THSD4: variants seen among roughly 807,000 people sequenced by gnomAD.
THSD4 encodes the protein thrombospondin type-1 domain-containing protein 4.
In THSD4, 69 loss-of-function variants were observed where a neutral mutation model predicts 119.0. The observed-to-expected ratio is 0.58, with a 90% confidence interval of 0.48 to 0.71. The LOEUF (loss-of-function observed/expected upper bound fraction) is 0.71. Among genes scored for constraint, THSD4 ranks in the 30% least tolerant of loss-of-function variants. The probability of loss-of-function intolerance (pLI) is 0.00; values close to 1 mark genes in which losing one functional copy is unlikely to be tolerated. For missense variants in THSD4, 1,393 were observed against 1,391.1 expected, an observed-to-expected ratio of 1.00 and a Z score of -0.02; for synonymous variants, 524 against 540.4, an observed-to-expected ratio of 0.97 and a Z score of 0.42.
intron 4 of THSD4, among the ~76,000 whole-genome samples, chr15:71,225,539 CTTTTTTTTTTTCTTTT>C (rs899480626): frequency 9.5e-6 from 1 of 105,384 alleles, no homozygotes; most frequent in African/African-American, 3.5e-5. Context: ...TTTTCTTTTT[CTTTTTTTTTTTCTTTT>C]TTTTTTTTTT....
chr15:71,547,545 A>G (rs1253102843), intron 7 of THSD4: 5 of 1,531,108 alleles, frequency 3.3e-6, no homozygotes, highest in African/African-American at 2.8e-5. Flanking sequence ...TTCCTCTTCT[A>G]TCTACCAAGA....
chr15:71,736,384 G>A (rs928117499), intron 10 of THSD4, among the ~76,000 whole-genome samples: 6 of 127,346 alleles, frequency 4.7e-5, no homozygotes, highest in East Asian at 2.5e-4. Flanking sequence ...TGTCTCTCTC[G>A]CACTCTGTCT....
chr15:71,532,283 A>AGAGAGTGT (rs1379506089), intron 7 of THSD4, among the ~76,000 whole-genome samples: 1,706 of 101,586 alleles, frequency 0.017, 31 homozygotes, highest in Non-Finnish European at 0.021. Context: ...AGAGAGAGAG[A>AGAGAGTGT]GTGTGTGTGT....
chr15:71,488,964 A>G (rs1353358615), intron 7 of THSD4, among the ~76,000 whole-genome samples: 1 of 152,018 alleles, frequency 6.6e-6, no homozygotes, highest in Non-Finnish European at 1.5e-5. Context: ...CTACCTTCAA[A>G]TACCCAAATT....
intron 12 of THSD4, among the ~76,000 whole-genome samples, chr15:71,746,534 A>G (rs766998455): frequency 2.0e-5 from 3 of 152,150 alleles, no homozygotes; most frequent in Non-Finnish European, 4.4e-5. Flanking sequence ...AGCTGGGACT[A>G]CAGGCACACA....
intron 11 of THSD4, among the ~76,000 whole-genome samples, chr15:71,741,089 AT>A (rs2053224847): frequency 6.6e-6 from 1 of 152,224 alleles, no homozygotes; most frequent in Non-Finnish European, 1.5e-5. Flanking sequence ...TAGAAAAGAC[AT>A]AAGGGTAGAT....
At chr15:71,401,818 T>C (rs1261649448) in intron 6 of THSD4, among the ~76,000 whole-genome samples, 1 of 152,156 alleles carries the variant, frequency 6.6e-6, no homozygotes, top group Non-Finnish European at 1.5e-5. Context: ...CTTATTGCAG[T>C]GCTATTCACA....
At chr15:71,519,914 A>C (rs2048415422) in intron 7 of THSD4, among the ~76,000 whole-genome samples, 1 of 152,200 alleles carries the variant, frequency 6.6e-6, no homozygotes, top group Non-Finnish European at 1.5e-5. Context: ...GTAGGCAAAA[A>C]GGAAGGGAGC....
rs2052924188 is a variant in THSD4 at position 71,729,120 on chromosome 15, G to A, written c.1533+396G>A. 5 of 232,030 alleles carry A rather than the reference G, an allele frequency of 2.2e-5. 1 individual carries two copies. In the South Asian group the frequency reaches 3.3e-4, roughly 15 times the overall value. The allele number at this position is 232,030 out of a possible 1,614,324, so 14.4% of individuals were successfully genotyped here. A position where few individuals can be genotyped will look rare whatever the true frequency, so the allele number is the denominator to read the frequency against. On this transcript the variant is annotated intron_variant, in intron 9 of 17. Coordinates refer to ENST00000261862, the MANE Select transcript of THSD4 (RefSeq NM_024817.3). ...GAAAGCAAGAGCCTAAAGGAAGGCA[G>A]GACCGCTCCCAGCTCCCAGCCCTGT...
At chr15:71,617,590 G>A (rs536065630) in intron 7 of THSD4, among the ~76,000 whole-genome samples, 1 of 152,276 alleles carries the variant, frequency 6.6e-6, no homozygotes, top group South Asian at 2.1e-4. Flanking sequence ...CAAACATTTG[G>A]CTTTGGTTTA....
At chr15:71,110,900 C>T (rs532820189), upstream of THSD4, 225 of 516,164 alleles carry the variant, frequency 4.4e-4, 1 homozygote, top group Middle Eastern at 5.7e-3. Flanking sequence ...AAGAGGAGGC[C>T]CTGGGCGTAT....
chr15:71,620,150 C>A (rs1595795160), intron 7 of THSD4, among the ~76,000 whole-genome samples: 1 of 152,304 alleles, frequency 6.6e-6, no homozygotes, highest in Non-Finnish European at 1.5e-5. Context: ...CTAGCTCAGC[C>A]ACTTTAGTAC....
At chr15:71,136,017 T>TTTTTAA (rs869064530) in intron 1 of THSD4, among the ~76,000 whole-genome samples, 1 of 104,588 alleles carries the variant, frequency 9.6e-6, no homozygotes, top group African/African-American at 3.3e-5. Flanking sequence ...TTTTTTTTTT[T>TTTTTAA]AAGACTCCAG....
At chr15:71,561,881 C>G (rs1306460528) in intron 7 of THSD4, among the ~76,000 whole-genome samples, 16 of 34,632 alleles carry the variant, frequency 4.6e-4, no homozygotes, top group African/African-American at 1.9e-3. Context: ...CACACACACA[C>G]ACACACACAC....
At chr15:71,568,638 C>T (rs112087864) in intron 7 of THSD4, among the ~76,000 whole-genome samples, 35,320 of 149,662 alleles carry the variant, frequency 0.24, 4,736 homozygotes, top group Non-Finnish European at 0.3. Flanking sequence ...ATGTGCACAA[C>T]GTGCTAGTTT....
intron 7 of THSD4, among the ~76,000 whole-genome samples, chr15:71,574,266 C>T (rs1163829589): frequency 6.6e-6 from 1 of 152,168 alleles, no homozygotes; most frequent in Non-Finnish European, 1.5e-5. Flanking sequence ...CAATGGCAAA[C>T]ATTTATGATA....
Position 71,246,561 on chromosome 15 carries a change from A to G in THSD4, c.912+3465A>G, listed in dbSNP as rs561976513. On this transcript the variant is annotated intron_variant, in intron 5 of 17. Coordinates refer to ENST00000261862, the MANE Select transcript of THSD4 (RefSeq NM_024817.3). The stretch of plus-strand genomic sequence containing the variant: ...GATAAGAGTTAAATTATAGATAACC[A>G]GCTTAATAACAGTGAATTCTTTATG... Among the ~76,000 whole-genome samples the G allele has an allele frequency of 2.3e-3, 343 of 152,332 alleles. 6 individuals are homozygous for G. The highest frequency in any genetic ancestry group is 7.1e-4 in the Non-Finnish European group (48 of 68,032).
intron 7 of THSD4, among the ~76,000 whole-genome samples, chr15:71,423,214 A>G (rs750076265): frequency 2.6e-5 from 4 of 152,150 alleles, no homozygotes; most frequent in Non-Finnish European, 5.9e-5. Flanking sequence ...AAGCTACAAG[A>G]CAAAGTCCCC....
chr15:71,304,062 C>A (rs1217611692), intron 6 of THSD4, among the ~76,000 whole-genome samples: 3 of 152,218 alleles, frequency 2.0e-5, no homozygotes, highest in Non-Finnish European at 2.9e-5. Context: ...GCTGGAGCTG[C>A]TTATTCTTGG....
Sources: gnomAD v4.1 joint callset for allele counts (sites outside exome capture counted in the v4.1 genomes callset) on GRCh38, gnomAD v4.1.1 for gene constraint, MANE v1.5 for transcripts, NCBI Gene and HGNC (gene_info 2026-07-23, HGNC 2026-07-21) for gene names.